SDK1: variants seen among roughly 807,000 people sequenced by gnomAD.
SDK1 encodes sidekick cell adhesion molecule 1, also known as protein sidekick-1.
In SDK1, 157 loss-of-function variants were observed where a neutral mutation model predicts 245.5. The ratio of observed to expected loss-of-function variants is 0.64; its 90% CI spans 0.56 to 0.73. The LOEUF is 0.73. Ranked by LOEUF, SDK1 falls within the 30% of genes least tolerant of loss-of-function variation. The probability of loss-of-function intolerance (pLI) is 0.00; values close to 1 mark genes in which losing one functional copy is unlikely to be tolerated. For synonymous variants in SDK1, 1,647 were observed against 1,278.5 expected, an observed-to-expected ratio of 1.29 and a Z score of -6.15; for missense variants, 3,583 against 3,002.3, an observed-to-expected ratio of 1.19 and a Z score of -4.52.
At chr7:4,225,555 A>G (rs575692458) in intron 40 of SDK1, among the ~76,000 whole-genome samples, 1 of 152,272 alleles carries the variant, frequency 6.6e-6, no homozygotes, top group Non-Finnish European at 1.5e-5. Flanking sequence ...CTTTCTCCTC[A>G]GGTTCTCATA....
At chr7:3,989,488 G>A (rs1330949243) in intron 14 of SDK1, among the ~76,000 whole-genome samples, 1 of 152,138 alleles carries the variant, frequency 6.6e-6, no homozygotes, top group Non-Finnish European at 1.5e-5. Flanking sequence ...CCTTCCCTGA[G>A]CCTCCCCCAG....
rs562074317 is a variant in SDK1, at chr7:3,776,555, G to A, written c.714-44895G>A. Among the ~76,000 whole-genome samples the A allele has an allele frequency of 1.4e-4, 21 of 152,288 alleles. No individual in the cohort carries two copies. The South Asian group carries it at 4.1e-3, about 30-fold the overall frequency. ...ACCTATCTCACAGGTTTGTTGTGAG[G>A]CGTAAATGAAGATAGTATGTGAATA... is the stretch of plus-strand genomic sequence containing the variant. On this transcript the variant is annotated intron_variant, in intron 4 of 44. Coordinates refer to ENST00000404826, the MANE Select transcript of SDK1 (RefSeq NM_152744.4).
intron 1 of SDK1, among the ~76,000 whole-genome samples, chr7:3,587,161 G>T (rs376431109): frequency 6.6e-6 from 1 of 152,266 alleles, no homozygotes; most frequent in African/African-American, 2.4e-5. Flanking sequence ...GTGGACCTAG[G>T]GAAAAGGAAA....
intron 9 of SDK1, among the ~76,000 whole-genome samples, chr7:3,967,028 CCT>C (rs1232842174): frequency 6.6e-6 from 1 of 152,198 alleles, no homozygotes; most frequent in African/African-American, 2.4e-5. Flanking sequence ...AAATGCCTCT[CCT>C]CTCTTTAATA....
rs1332285603 is a variant in SDK1 at position 4,060,745 on chromosome 7, G to C, written c.2912-7093G>C. 5.3e-5 allele frequency among the ~76,000 whole-genome samples: 8 copies of C among 152,218 alleles called. No individual in the cohort carries two copies. The East Asian group carries it at 1.5e-3, about 29-fold the overall frequency. ...CCTATGTCCGGAATGGTAATGCCTA[G>C]GTTTTCTTCTAGGGTTTTTATGGTT... On this transcript the variant is annotated intron_variant, in intron 19 of 44. Coordinates refer to ENST00000404826, the MANE Select transcript of SDK1 (RefSeq NM_152744.4).
chr7:3,924,817 T>C (rs548823582), intron 5 of SDK1, among the ~76,000 whole-genome samples: 90 of 152,284 alleles, frequency 5.9e-4, no homozygotes, highest in Non-Finnish European at 1.1e-3. Context: ...AAGTGTTTGT[T>C]TTCCTTGTTC....
chr7:3,377,571 C>T (rs1021281162), intron 1 of SDK1, among the ~76,000 whole-genome samples: 1 of 152,080 alleles, frequency 6.6e-6, no homozygotes, highest in East Asian at 1.9e-4. Flanking sequence ...CTTTTCATCC[C>T]ACGACTCCCC....
At chr7:3,633,273 A>C (rs6462201) in intron 2 of SDK1, among the ~76,000 whole-genome samples, 51,789 of 151,956 alleles carry the variant, frequency 0.34, 9,338 homozygotes, top group South Asian at 0.46. Flanking sequence ...GAAAAATCTT[A>C]CATCTAATTT....
At chr7:3,945,014 T>C (rs1252048179) in intron 5 of SDK1, among the ~76,000 whole-genome samples, 1 of 152,176 alleles carries the variant, frequency 6.6e-6, no homozygotes, top group Non-Finnish European at 1.5e-5. Flanking sequence ...CTCAGGAGGC[T>C]GAGGCAGGAG....
intron 1 of SDK1, among the ~76,000 whole-genome samples, chr7:3,455,028 A>C (rs6959489): frequency 0.2 from 30,667 of 152,096 alleles, 5,970 homozygotes; most frequent in African/African-American, 0.51. Context: ...ATATTCTGAT[A>C]GGTATGCAGT....
intron 35 of SDK1, among the ~76,000 whole-genome samples, chr7:4,182,991 G>A: frequency 6.6e-6 from 1 of 152,228 alleles, no homozygotes; most frequent in East Asian, 1.9e-4. Context: ...GTTATCACTG[G>A]TCAGTCTCCC....
At chr7:4,095,994 C>G (rs1298270992) in intron 22 of SDK1, among the ~76,000 whole-genome samples, 1 of 152,198 alleles carries the variant, frequency 6.6e-6, no homozygotes, top group Non-Finnish European at 1.5e-5. Context: ...CCTGCTCCAT[C>G]TCATTATGAG....
intron 1 of SDK1, among the ~76,000 whole-genome samples, chr7:3,424,771 C>T (rs1281387912): frequency 6.6e-6 from 1 of 152,008 alleles, no homozygotes; most frequent in Non-Finnish European, 1.5e-5. Flanking sequence ...GTGGCGTGCA[C>T]CTGTAGTCCT....
At chr7:3,632,700 A>C (rs1782335533) in intron 2 of SDK1, among the ~76,000 whole-genome samples, 1 of 152,218 alleles carries the variant, frequency 6.6e-6, no homozygotes, top group Admixed American at 6.5e-5. Flanking sequence ...ATTTAACTTC[A>C]TATTGATTAC....
chr7:3,343,887 C>A (rs1780421049), intron 1 of SDK1, among the ~76,000 whole-genome samples: 1 of 151,948 alleles, frequency 6.6e-6, no homozygotes, highest in Non-Finnish European at 1.5e-5. Flanking sequence ...GTGTTGATAT[C>A]AGATCAGTTG....
At chr7:3,354,145 C>T (rs1489590047) in intron 1 of SDK1, among the ~76,000 whole-genome samples, 9 of 151,862 alleles carry the variant, frequency 5.9e-5, no homozygotes, top group African/African-American at 2.2e-4. Context: ...ACTGCAGGCA[C>T]CCGCCACCAC....
intron 35 of SDK1, among the ~76,000 whole-genome samples, chr7:4,187,152 G>A (rs1453013193): frequency 6.6e-6 from 1 of 152,166 alleles, no homozygotes; most frequent in Non-Finnish European, 1.5e-5. Flanking sequence ...GCTACATGAG[G>A]CACGGGGGCC....
At chr7:4,084,662 ATATGTTATGTTACGT>A (rs1307222470) in intron 22 of SDK1, among the ~76,000 whole-genome samples, 5,251 of 140,298 alleles carry the variant, frequency 0.037, 321 homozygotes, top group African/African-American at 0.12. Context: ...CCTTAAATGT[ATATGTTATGTTACGT>A]TATGTTATGT....
chr7:3,419,907 A>G (rs896035725), intron 1 of SDK1, among the ~76,000 whole-genome samples: 1 of 152,224 alleles, frequency 6.6e-6, no homozygotes, highest in Admixed American at 6.5e-5. Context: ...GCAAAGATAA[A>G]TAAGTAAAAT....
Sources: gnomAD v4.1 joint callset for allele counts (sites outside exome capture counted in the v4.1 genomes callset) on GRCh38, gnomAD v4.1.1 for gene constraint, MANE v1.5 for transcripts, NCBI Gene and HGNC (gene_info 2026-07-23, HGNC 2026-07-21) for gene names.